Variants in HMCN1 observed in about 807,000 individuals in gnomAD.
The protein encoded by HMCN1 is hemicentin-1.
HMCN1 carries 321 observed loss-of-function variants against 625.9 expected under a neutral mutation model. The ratio of observed to expected loss-of-function variants is 0.51; its 90% CI spans 0.47 to 0.56. The LOEUF (loss-of-function observed/expected upper bound fraction) is 0.56. Ranked by LOEUF, HMCN1 falls within the 20% of genes least tolerant of loss-of-function variation. The probability of loss-of-function intolerance (pLI) is 0.00; values close to 1 mark genes in which losing one functional copy is unlikely to be tolerated. For missense variants in HMCN1, 6,588 were observed against 6,887.3 expected (o/e 0.96, Z 1.54); for synonymous variants, 2,425 against 2,417.6 (o/e 1.00, Z -0.09).
At chr1:185,830,199 C>T (rs770743002) in intron 1 of HMCN1, among the ~76,000 whole-genome samples, 2 of 151,288 alleles carry the variant, frequency 1.3e-5, no homozygotes, top group African/African-American at 2.4e-5. Context: ...CTGTAGATTA[C>T]CTGTTCACTC....
At chr1:185,915,718 C>T (rs1480196261) in intron 6 of HMCN1, among the ~76,000 whole-genome samples, 2 of 151,984 alleles carry the variant, frequency 1.3e-5, no homozygotes, top group Non-Finnish European at 2.9e-5. Context: ...AAATCATACT[C>T]AAGTGGCATA....
chr1:185,963,481 A>G (rs1558099114), intron 12 of HMCN1, among the ~76,000 whole-genome samples: 1 of 152,102 alleles, frequency 6.6e-6, no homozygotes, highest in Non-Finnish European at 1.5e-5. Flanking sequence ...CCTGTAAAAC[A>G]GAGATATTAA....
chr1:185,838,518 C>T (rs1477240320), intron 1 of HMCN1, among the ~76,000 whole-genome samples: 1 of 152,144 alleles, frequency 6.6e-6, no homozygotes. Flanking sequence ...AGAGATGGGG[C>T]TACTGAGTTG....
chr1:186,164,031 C>A (rs1651704642), intron 97 of HMCN1, among the ~76,000 whole-genome samples: 1 of 152,094 alleles, frequency 6.6e-6, no homozygotes, highest in African/African-American at 2.4e-5. Flanking sequence ...AAGAATGTAT[C>A]AACAAATAAC....
chr1:185,777,105 A>G (rs1044541298), intron 1 of HMCN1, among the ~76,000 whole-genome samples: 2 of 152,202 alleles, frequency 1.3e-5, no homozygotes, highest in African/African-American at 2.4e-5. Context: ...ATAATTTTCA[A>G]TACCCAGGAG....
At chr1:185,845,896 T>C in intron 1 of HMCN1, 130 bp from the exon 2 acceptor site, 1 of 676,388 alleles carries the variant, frequency 1.5e-6, no homozygotes. Flanking sequence ...AGAAAGAGTG[T>C]TTGGTATTTT....
At chr1:186,036,417 A>T (rs188105446) in intron 36 of HMCN1, among the ~76,000 whole-genome samples, 29 of 152,196 alleles carry the variant, frequency 1.9e-4, no homozygotes, top group African/African-American at 6.7e-4. Context: ...AAGCCAAGGC[A>T]ATCTGATGGA....
At chr1:185,932,718 G>T (rs1667613570) in intron 10 of HMCN1, among the ~76,000 whole-genome samples, 1 of 152,050 alleles carries the variant, frequency 6.6e-6, no homozygotes, top group Non-Finnish European at 1.5e-5. Flanking sequence ...AGGGCCTGTT[G>T]TGGGGTGGGG....
intron 97 of HMCN1, among the ~76,000 whole-genome samples, chr1:186,155,148 G>C (rs1650912170): frequency 6.6e-6 from 1 of 152,152 alleles, no homozygotes; most frequent in African/African-American, 2.4e-5. Flanking sequence ...TTTATTTTCA[G>C]TGTTTACTCT....
At chr1:186,153,260 AC>A (rs1650785354) in intron 96 of HMCN1, among the ~76,000 whole-genome samples, 1 of 152,186 alleles carries the variant, frequency 6.6e-6, no homozygotes, top group South Asian at 2.1e-4. Context: ...CTCTTATTAA[AC>A]TGAAATTTAT....
intron 2 of HMCN1, among the ~76,000 whole-genome samples, chr1:185,853,408 T>G (rs917062542): frequency 6.6e-6 from 1 of 152,196 alleles, no homozygotes; most frequent in African/African-American, 2.4e-5. Context: ...GTTTAAGATA[T>G]TGAAAGGTAC....
chr1:185,783,910 G>C (rs1161419751), intron 1 of HMCN1, among the ~76,000 whole-genome samples: 2 of 152,098 alleles, frequency 1.3e-5, no homozygotes, highest in African/African-American at 4.8e-5. Flanking sequence ...AGAGGTTTCT[G>C]CTGTCTTTTG....
intron 16 of HMCN1, among the ~76,000 whole-genome samples, chr1:185,978,753 T>C (rs1651404805): frequency 6.6e-6 from 1 of 152,150 alleles, no homozygotes. Flanking sequence ...TGAACTTGGC[T>C]CACTGCAAAC....
chr1:185,861,358 A>G (rs991276023), intron 2 of HMCN1, among the ~76,000 whole-genome samples: 3 of 152,198 alleles, frequency 2.0e-5, no homozygotes, highest in Admixed American at 2.0e-4. Flanking sequence ...TTAGTAAAAG[A>G]CATTTAATCT....
At chr1:186,006,152 AACCTTAAAACAC>A (rs1265941386) in intron 29 of HMCN1, among the ~76,000 whole-genome samples, 3 of 151,942 alleles carry the variant, frequency 2.0e-5, no homozygotes, top group African/African-American at 7.3e-5. Context: ...AAAAAAAAAA[AACCTTAAAACAC>A]ACTAAATGAA....
intron 28 of HMCN1, 57 bp downstream of exon 28, chr1:186,001,798 A>T: frequency 1.5e-6 from 2 of 1,355,414 alleles, no homozygotes; most frequent in South Asian, 2.4e-5. Flanking sequence ...TACCTAAAAT[A>T]GAGCTGACTA....
chr1:185,782,305 G>T (rs1024684569), intron 1 of HMCN1, among the ~76,000 whole-genome samples: 2 of 152,058 alleles, frequency 1.3e-5, no homozygotes, highest in African/African-American at 4.8e-5. Flanking sequence ...TATCCAATTT[G>T]CCCATCTGTG....
chr1:185,964,683 A>G (rs185780110), intron 13 of HMCN1, among the ~76,000 whole-genome samples: 1 of 152,284 alleles, frequency 6.6e-6, no homozygotes, highest in Non-Finnish European at 1.5e-5. Flanking sequence ...CAAGGCAGAC[A>G]GACAAGTACT....
In HMCN1 at chr1:185,814,671, T is replaced by G. The variant is rs953598354; in HGVS notation, c.269-31355T>G. Among the ~76,000 whole-genome samples the G allele has an allele frequency of 3.6e-5, 5 of 140,552 alleles. No homozygotes were observed. In the East Asian group the frequency reaches 9.7e-4, roughly 27 times the overall value. The allele number at this position is 140,552 out of a possible 152,430, so 92.2% of individuals were successfully genotyped here. On this transcript the variant is annotated intron_variant, in intron 1 of 106. Transcript: ENST00000271588. ...TTAATTATTTTATTGCACTTAATAT[T>G]TATTTTTTTTAATTATTATTATTTA...
Sources: allele counts gnomAD v4.1 joint callset (sites outside exome capture counted in the v4.1 genomes callset), GRCh38; gene constraint gnomAD v4.1.1; transcripts MANE v1.5; gene names NCBI Gene and HGNC (gene_info 2026-07-23, HGNC 2026-07-21).